Variants in CSMD1 observed in about 807,000 individuals in gnomAD.
The protein encoded by CSMD1 is CUB and sushi domain-containing protein 1.
CSMD1 carries 213 observed loss-of-function variants against 417.5 expected under a neutral mutation model. That is an observed-to-expected ratio of 0.51 (90% CI 0.46 to 0.57). The LOEUF (loss-of-function observed/expected upper bound fraction) is 0.57, where lower values mean the gene tolerates loss of function less well. Ranked by LOEUF, CSMD1 falls within the 20% of genes least tolerant of loss-of-function variation. The pLI, the probability that CSMD1 is intolerant of heterozygous loss-of-function variation, is 0.00. For synonymous variants in CSMD1, 2,862 were observed against 1,736.8 expected (o/e 1.65, Z -16.11); for missense variants, 6,923 against 4,529.7 (o/e 1.53, Z -15.17).
intron 1 of CSMD1, among the ~76,000 whole-genome samples, chr8:4,724,977 A>G (rs1231951853): frequency 1.3e-5 from 2 of 152,170 alleles, no homozygotes; most frequent in East Asian, 3.8e-4. Flanking sequence ...ACATAAGCCC[A>G]TAACATTTTG....
intron 5 of CSMD1, among the ~76,000 whole-genome samples, chr8:3,777,959 C>A (rs1020555291): frequency 6.6e-6 from 1 of 152,016 alleles, no homozygotes; most frequent in Non-Finnish European, 1.5e-5. Context: ...CACTCCAGAC[C>A]TGCAGCCTCC....
chr8:3,491,498 G>A (rs1216558606), intron 11 of CSMD1, among the ~76,000 whole-genome samples: 1 of 152,120 alleles, frequency 6.6e-6, no homozygotes, highest in Non-Finnish European at 1.5e-5. Flanking sequence ...ATAAGTTGTG[G>A]TCCAGCAACA....
At chr8:2,983,221 C>T (rs995789804) in intron 54 of CSMD1, among the ~76,000 whole-genome samples, 1 of 152,110 alleles carries the variant, frequency 6.6e-6, no homozygotes, top group African/African-American at 2.4e-5. Flanking sequence ...GAGTCTTGCT[C>T]TGTCTCCCAT....
At chr8:4,568,401 C>T (rs780469755) in intron 2 of CSMD1, among the ~76,000 whole-genome samples, 10 of 152,190 alleles carry the variant, frequency 6.6e-5, no homozygotes, top group Non-Finnish European at 1.0e-4. Context: ...TGTGTCTTTA[C>T]TGAGAATGGT....
intron 3 of CSMD1, among the ~76,000 whole-genome samples, chr8:4,319,655 A>G (rs1019462249): frequency 4.6e-5 from 7 of 152,132 alleles, no homozygotes; most frequent in Non-Finnish European, 8.8e-5. Context: ...ACTGCCTGGA[A>G]AGAGAGGCCA....
chr8:3,795,924 C>A (rs1316233402), intron 5 of CSMD1, among the ~76,000 whole-genome samples: 13 of 41,876 alleles, frequency 3.1e-4, no homozygotes, highest in African/African-American at 8.5e-4. Flanking sequence ...ATATAGATAT[C>A]TATCATGTAC....
Position 4,256,823 on chromosome 8 carries a change from G to C in CSMD1, c.415+163130C>G, listed in dbSNP as rs545552856. ...AGGGCCTGGCATAAAGTCGAGTTAT[G>C]AGCAAAGAACAGCTATCCCTCCAAG... On this transcript the variant is annotated intron_variant, in intron 3 of 69. Coordinates refer to ENST00000635120, the MANE Select transcript of CSMD1 (RefSeq NM_033225.6). Among the ~76,000 whole-genome samples the C allele has an allele frequency of 7.2e-5, 11 of 152,312 alleles. No individual in the cohort carries two copies. The South Asian group carries it at 1.7e-3, about 23-fold the overall frequency.
intron 2 of CSMD1, among the ~76,000 whole-genome samples, chr8:4,577,191 T>A (rs1799179362): frequency 6.6e-6 from 1 of 152,198 alleles, no homozygotes. Flanking sequence ...GAAGCGAGAT[T>A]TTCTTTTGAA....
intron 23 of CSMD1, among the ~76,000 whole-genome samples, chr8:3,332,649 G>A (rs1371401935): frequency 6.6e-6 from 1 of 152,184 alleles, no homozygotes; most frequent in Non-Finnish European, 1.5e-5. Flanking sequence ...TATACTTTAT[G>A]TCTTCAAGTG....
At chr8:3,579,385 T>C (rs1480746051) in intron 9 of CSMD1, among the ~76,000 whole-genome samples, 1 of 152,214 alleles carries the variant, frequency 6.6e-6, no homozygotes, top group Non-Finnish European at 1.5e-5. Context: ...TTCCAGGAAA[T>C]CTTATGGTTC....
chr8:4,253,363 C>T (rs1287445294), intron 3 of CSMD1, among the ~76,000 whole-genome samples: 1 of 149,684 alleles, frequency 6.7e-6, no homozygotes, highest in Non-Finnish European at 1.5e-5. Flanking sequence ...TATAATTACG[C>T]ATTTAAATGC....
At chr8:4,311,566 T>G (rs1320247664) in intron 3 of CSMD1, among the ~76,000 whole-genome samples, 1 of 151,670 alleles carries the variant, frequency 6.6e-6, no homozygotes, top group Non-Finnish European at 1.5e-5. Context: ...CTACTAAAAA[T>G]ATAAAACTGA....
At chr8:3,678,262 C>T (rs1457014704) in intron 7 of CSMD1, among the ~76,000 whole-genome samples, 1 of 152,082 alleles carries the variant, frequency 6.6e-6, no homozygotes, top group South Asian at 2.1e-4. Context: ...AAGTTCGAAC[C>T]CATCGCAAAG....
At chr8:3,825,239 C>G (rs1407795883) in intron 5 of CSMD1, among the ~76,000 whole-genome samples, 1 of 152,082 alleles carries the variant, frequency 6.6e-6, no homozygotes, top group Non-Finnish European at 1.5e-5. Context: ...CCATCAAGAG[C>G]CCTTGAGAGG....
intron 3 of CSMD1, among the ~76,000 whole-genome samples, chr8:4,180,599 T>A (rs899502477): frequency 6.8e-6 from 1 of 148,066 alleles, no homozygotes; most frequent in Non-Finnish European, 1.5e-5. Flanking sequence ...AAAGAAAAAA[T>A]AAAATAAAAT....
At chr8:4,523,409 T>A (rs1404445129) in intron 2 of CSMD1, among the ~76,000 whole-genome samples, 1 of 152,190 alleles carries the variant, frequency 6.6e-6, no homozygotes, top group Non-Finnish European at 1.5e-5. Flanking sequence ...ATTTTCCTAC[T>A]TTTGTATTAA....
intron 5 of CSMD1, among the ~76,000 whole-genome samples, chr8:3,932,485 G>C (rs922128675): frequency 1.3e-5 from 2 of 150,518 alleles, no homozygotes; most frequent in Non-Finnish European, 3.0e-5. Context: ...GTAGGACCTT[G>C]ATGCTAAGTC....
intron 8 of CSMD1, among the ~76,000 whole-genome samples, chr8:3,604,080 G>A (rs929567782): frequency 2.6e-5 from 4 of 152,284 alleles, no homozygotes; most frequent in African/African-American, 7.2e-5. Flanking sequence ...GTGAATAATG[G>A]CTGAATGCTT....
intron 7 of CSMD1, among the ~76,000 whole-genome samples, chr8:3,667,942 C>G (rs975801192): frequency 6.6e-6 from 1 of 152,110 alleles, no homozygotes; most frequent in Admixed American, 6.5e-5. Flanking sequence ...CCAATTCACC[C>G]ACCCATTTCC....
Sources: gnomAD v4.1 joint callset for allele counts (sites outside exome capture counted in the v4.1 genomes callset) on GRCh38, gnomAD v4.1.1 for gene constraint, MANE v1.5 for transcripts, NCBI Gene and HGNC (gene_info 2026-07-23, HGNC 2026-07-21) for gene names.